The following AKAP6 variants were observed in gnomAD, a reference collection of about 807,000 sequenced individuals.
AKAP6 encodes the protein A-kinase anchor protein 6.
In AKAP6, 58 loss-of-function variants were observed where a neutral mutation model predicts 188.5. The observed-to-expected ratio is 0.31, with a 90% confidence interval of 0.25 to 0.38. AKAP6 has a LOEUF of 0.38. AKAP6 is among the 10% of genes least tolerant of loss of function. The pLI, the probability that AKAP6 is intolerant of heterozygous loss-of-function variation, is 1.00. For missense variants in AKAP6, 2,710 were observed against 2,740.0 expected (o/e 0.99, Z 0.24); for synonymous variants, 989 against 998.6 (o/e 0.99, Z 0.18).
Position 32,751,164 on chromosome 14 carries a change from T to A in AKAP6, c.3372+15282T>A, listed in dbSNP as rs193208871. Among the ~76,000 whole-genome samples, 3 of 151,966 alleles carry A rather than the reference T, an allele frequency of 2.0e-5. No homozygotes were observed. In the East Asian group the frequency reaches 5.8e-4, roughly 29 times the overall value. On this transcript the variant is annotated intron_variant, in intron 11 of 13. Coordinates refer to ENST00000280979, the MANE Select transcript of AKAP6 (RefSeq NM_004274.5). The stretch of plus-strand genomic sequence containing the variant: ...ATTATTTTCATTGCTGAACTTCAGT[T>A]TTTTTCATATCACAACTTTCCACTA...
In AKAP6 at chr14:32,833,004, A is replaced by G. The variant is rs929941142; in HGVS notation, c.*3199A>G. 3 of 152,650 alleles carry G rather than the reference A, an allele frequency of 2.0e-5. No homozygotes were observed. The highest frequency in any genetic ancestry group is 4.4e-5 in the Non-Finnish European group (3 of 68,046). 9.5% of individuals were successfully genotyped at this position (152,650 alleles called of 1,614,324 possible). A position where few individuals can be genotyped will look rare whatever the true frequency, so the allele number is the denominator to read the frequency against. ...AGTGCGAAGTTTTCTCTAGAAATAT[A>G]TTCAAGATATGTTTATTCTATTATT... On this transcript the variant is annotated 3_prime_UTR_variant, in exon 14 of 14. Coordinates refer to ENST00000280979, the MANE Select transcript of AKAP6 (RefSeq NM_004274.5).
intron 9 of AKAP6, chr14:32,726,079 G>A (rs2030856863): frequency 1.7e-6 from 1 of 584,568 alleles, no homozygotes; most frequent in Admixed American, 6.4e-5. Flanking sequence ...AGTCATTTTG[G>A]CAATTTCCAA....
intron 1 of AKAP6, among the ~76,000 whole-genome samples, chr14:32,350,180 A>G (rs1442686881): frequency 2.0e-5 from 3 of 152,186 alleles, no homozygotes; most frequent in Non-Finnish European, 4.4e-5. Context: ...ATGAAAGTGA[A>G]CAATAGTAGC....
intron 7 of AKAP6, among the ~76,000 whole-genome samples, chr14:32,644,218 A>C (rs1311321152): frequency 6.6e-6 from 1 of 152,208 alleles, no homozygotes; most frequent in Non-Finnish European, 1.5e-5. Context: ...CACAGAGCTT[A>C]GTCCAAATGG....
chr14:32,682,209 G>T (rs1260972879), intron 8 of AKAP6, among the ~76,000 whole-genome samples: 3 of 152,146 alleles, frequency 2.0e-5, no homozygotes, highest in Admixed American at 2.0e-4. Context: ...CGGCAGAAGT[G>T]CTTCTCAATT....
chr14:32,445,667 G>A (rs1052148946), intron 2 of AKAP6, among the ~76,000 whole-genome samples: 3 of 152,044 alleles, frequency 2.0e-5, no homozygotes, highest in Non-Finnish European at 4.4e-5. Context: ...GTGAGCCACT[G>A]TGCCCTGCCA....
At chr14:32,603,330 A>T (rs17099348) in intron 7 of AKAP6, among the ~76,000 whole-genome samples, 1 of 152,076 alleles carries the variant, frequency 6.6e-6, no homozygotes, top group Non-Finnish European at 1.5e-5. Flanking sequence ...TGGCACAATG[A>T]CCTAAATTAA....
intron 2 of AKAP6, among the ~76,000 whole-genome samples, chr14:32,480,143 T>C (rs538311638): frequency 7.9e-5 from 12 of 152,304 alleles, no homozygotes; most frequent in African/African-American, 2.9e-4. Context: ...GCTAAACTTC[T>C]ATTTCCTAAT....
intron 11 of AKAP6, among the ~76,000 whole-genome samples, chr14:32,759,839 A>T (rs1241309147): frequency 6.6e-6 from 1 of 152,184 alleles, no homozygotes; most frequent in African/African-American, 2.4e-5. Flanking sequence ...CCCATGACCC[A>T]AACACCTCCC....
chr14:32,728,818 C>T (rs1458423524), intron 9 of AKAP6, among the ~76,000 whole-genome samples: 1 of 152,078 alleles, frequency 6.6e-6, no homozygotes, highest in Admixed American at 6.6e-5. Flanking sequence ...CATCATGCTG[C>T]CTTTTTTCTT....
chr14:32,627,842 C>CT (rs1227706552), intron 7 of AKAP6, among the ~76,000 whole-genome samples: 2 of 151,026 alleles, frequency 1.3e-5, no homozygotes, highest in Non-Finnish European at 3.0e-5. Flanking sequence ...ATTTTTTTTT[C>CT]TTTTTTAGAG....
intron 1 of AKAP6, among the ~76,000 whole-genome samples, chr14:32,363,837 A>C (rs1887740636): frequency 6.6e-6 from 1 of 152,196 alleles, no homozygotes; most frequent in African/African-American, 2.4e-5. Context: ...GACAATATTA[A>C]CCATCACAAG....
At chr14:32,660,905 A>G (rs1191080880) in intron 7 of AKAP6, among the ~76,000 whole-genome samples, 1 of 135,704 alleles carries the variant, frequency 7.4e-6, no homozygotes, top group Non-Finnish European at 1.5e-5. Context: ...TTCTAGCTCT[A>G]TATATTTTCT....
intron 12 of AKAP6, among the ~76,000 whole-genome samples, chr14:32,801,352 C>G (rs1325992934): frequency 6.6e-6 from 1 of 151,996 alleles, no homozygotes; most frequent in Non-Finnish European, 1.5e-5. Flanking sequence ...ACATTTTAAA[C>G]AAATCCGAGT....
chr14:32,798,662 A>G (rs2033847598), intron 12 of AKAP6, among the ~76,000 whole-genome samples: 1 of 152,184 alleles, frequency 6.6e-6, no homozygotes, highest in Non-Finnish European at 1.5e-5. Flanking sequence ...TATAAGTGGG[A>G]GCTAAACATT....
At chr14:32,686,611 T>C (rs1221163546) in intron 8 of AKAP6, among the ~76,000 whole-genome samples, 1 of 151,764 alleles carries the variant, frequency 6.6e-6, no homozygotes, top group Non-Finnish European at 1.5e-5. Flanking sequence ...AATTTTAAAA[T>C]AAATAAAAAA....
At chr14:32,718,348 A>AT (rs1423945297) in intron 9 of AKAP6, 1 of 984,978 alleles carries the variant, frequency 1.0e-6, no homozygotes, top group Non-Finnish European at 1.2e-6. Flanking sequence ...AATCTCTAAA[A>AT]TTTATTTTGT....
At chr14:32,585,247 A>G (rs1452256755) in intron 5 of AKAP6, among the ~76,000 whole-genome samples, 1 of 152,206 alleles carries the variant, frequency 6.6e-6, no homozygotes, top group East Asian at 1.9e-4. Context: ...ATCTGCAGCC[A>G]ATCAGTATAT....
chr14:32,477,232 T>C (rs1879114421), intron 2 of AKAP6, among the ~76,000 whole-genome samples: 1 of 152,210 alleles, frequency 6.6e-6, no homozygotes, highest in Non-Finnish European at 1.5e-5. Flanking sequence ...CTTTAATTTC[T>C]ACAGGGAACA....
Sources: gnomAD v4.1 joint callset for allele counts (sites outside exome capture counted in the v4.1 genomes callset) on GRCh38, gnomAD v4.1.1 for gene constraint, MANE v1.5 for transcripts, NCBI Gene and HGNC (gene_info 2026-07-23, HGNC 2026-07-21) for gene names.